PPP2R5E: variants seen among roughly 807,000 people sequenced by gnomAD.
The protein encoded by PPP2R5E is serine/threonine-protein phosphatase 2A 56 kDa regulatory subunit epsilon isoform.
In PPP2R5E, 4 loss-of-function variants were observed where a neutral mutation model predicts 65.3. The observed-to-expected ratio is 0.06, with a 90% CI of 0.03 to 0.14. The LOEUF is 0.14. PPP2R5E is among the 10% of genes least tolerant of loss of function. The probability of loss-of-function intolerance (pLI) is 1.00; values close to 1 mark genes in which losing one functional copy is unlikely to be tolerated. For missense variants in PPP2R5E, 274 were observed against 556.1 expected (o/e 0.49, Z 5.10); for synonymous variants, 183 against 187.4 (o/e 0.98, Z 0.19).
chr14:63,458,949 C>A (rs1413475510), intron 2 of PPP2R5E, among the ~76,000 whole-genome samples: 3 of 152,050 alleles, frequency 2.0e-5, no homozygotes, highest in African/African-American at 7.3e-5. Context: ...ATAATAGGAC[C>A]AGCACACAAT....
chr14:63,452,987 T>C (rs1888927888), intron 3 of PPP2R5E: 1 of 152,164 alleles, frequency 6.6e-6, no homozygotes, highest in South Asian at 2.1e-4. Context: ...ACTCTCCAGC[T>C]CCAAGATCTT....
intron 4 of PPP2R5E, among the ~76,000 whole-genome samples, chr14:63,419,101 C>T (rs1886866204): frequency 6.6e-6 from 1 of 152,168 alleles, no homozygotes; most frequent in African/African-American, 2.4e-5. Flanking sequence ...CCCGCCTTGG[C>T]CTTCCAAAGT....
At chr14:63,458,888 G>A (rs554008182) in intron 2 of PPP2R5E, among the ~76,000 whole-genome samples, 83 of 152,058 alleles carry the variant, frequency 5.5e-4, no homozygotes, top group African/African-American at 2.0e-3. Context: ...AATGTCCTAA[G>A]GTATTACTCA....
At chr14:63,429,811 G>C (rs934462519) in intron 3 of PPP2R5E, among the ~76,000 whole-genome samples, 9 of 151,978 alleles carry the variant, frequency 5.9e-5, no homozygotes, top group Admixed American at 5.2e-4. Context: ...AGCTTTCCTA[G>C]AAGCTGGATT....
At chr14:63,422,159 T>C in intron 3 of PPP2R5E, 65 bp from the exon 4 acceptor site, 2 of 1,342,082 alleles carry the variant, frequency 1.5e-6, no homozygotes, top group Non-Finnish European at 2.1e-6. Context: ...ACAAGGTCCT[T>C]GGAGCCAAGC....
chr14:63,415,241 A>T lies in PPP2R5E; in HGVS notation c.457-9T>A. ...AAAAATTCATATACAAGCTGCAACA[A>T]ACAGATTATAATTAATTTCAAATTA... On this transcript the variant is annotated splice_polypyrimidine_tract_variant and intron_variant, in intron 4 of 13. Coordinates refer to ENST00000337537, the MANE Select transcript of PPP2R5E (RefSeq NM_006246.5). The T allele has an allele frequency of 2.6e-6, 4 of 1,566,228 alleles. No individual in the cohort carries two copies. In the South Asian group the frequency reaches 4.5e-5, roughly 18 times the overall value.
Position 63,454,196 on chromosome 14 carries a change from C to T in PPP2R5E, c.158-311G>A, listed in dbSNP as rs944341622. Among the ~76,000 whole-genome samples, 5 of 152,138 alleles carry T rather than the reference C, an allele frequency of 3.3e-5. No homozygotes were observed. In the East Asian group the frequency reaches 7.7e-4, roughly 23 times the overall value. On this transcript the variant is annotated intron_variant, in intron 2 of 13. Transcript: ENST00000337537. ...AACCAAAAACACCCCAATGTCAATA[C>T]CTTTAAATTAAAAACACTGAAAAAG...
chr14:63,509,969 A>G (rs187908895), intron 2 of PPP2R5E, among the ~76,000 whole-genome samples: 1 of 152,228 alleles, frequency 6.6e-6, no homozygotes, highest in African/African-American at 2.4e-5. Context: ...ATGCCTAAGT[A>G]AAAAGTGTTT....
intron 2 of PPP2R5E, among the ~76,000 whole-genome samples, chr14:63,494,423 C>CA (rs1555365750): frequency 6.6e-6 from 1 of 151,804 alleles, no homozygotes; most frequent in Non-Finnish European, 1.5e-5. Flanking sequence ...TTAGTAGAGA[C>CA]AGAGTCTTAC....
At position 63,496,562 on chromosome 14, in the gene PPP2R5E, G is replaced by C. The variant is rs536189882; in HGVS notation, c.158-42677C>G. On this transcript the variant is annotated intron_variant, in intron 2 of 13. Transcript: ENST00000337537. ...TGAACCATAACCCATCAATAACTAA[G>C]AACATATACAGAGGGAAATAGTTCA... is the stretch of plus-strand genomic sequence containing the variant. 2.4e-4 allele frequency among the ~76,000 whole-genome samples: 37 copies of C among 151,704 alleles called. No homozygotes were observed. In the East Asian group the frequency reaches 7.0e-3, roughly 29 times the overall value.
chr14:63,450,157 T>A (rs10139028), intron 3 of PPP2R5E, among the ~76,000 whole-genome samples: 34,813 of 152,160 alleles, frequency 0.23, 4,290 homozygotes, highest in East Asian at 0.31. Context: ...ATTACAGGCG[T>A]GAGCCACCGC....
intron 6 of PPP2R5E, 81 bp from the exon 7 acceptor site, chr14:63,395,366 A>T: frequency 1.4e-6 from 1 of 703,016 alleles, no homozygotes; most frequent in African/African-American, 2.5e-5. Flanking sequence ...GAGGAGGAGG[A>T]GAAGGGGGAG....
At chr14:63,441,854 G>A (rs1480036781) in intron 3 of PPP2R5E, among the ~76,000 whole-genome samples, 4 of 150,602 alleles carry the variant, frequency 2.7e-5, no homozygotes, top group African/African-American at 7.3e-5. Flanking sequence ...AGCTTGCCGT[G>A]AGCCAAGATC....
chr14:63,394,369 G>C (rs997890634), intron 7 of PPP2R5E, among the ~76,000 whole-genome samples: 1 of 152,096 alleles, frequency 6.6e-6, no homozygotes, highest in African/African-American at 2.4e-5. Context: ...ATAGGCGTGA[G>C]CCACCACACC....
At chr14:63,530,226 G>GTTTTTTTTTTTTTTTTTTTTTTTTTT (rs555112537) in intron 2 of PPP2R5E, among the ~76,000 whole-genome samples, 1 of 99,484 alleles carries the variant, frequency 1.0e-5, no homozygotes, top group African/African-American at 4.1e-5. Flanking sequence ...AAATTTTTCC[G>GTTTTTTTTTTTTTTTTTTTTTTTTTT]TTTTTTTTTT....
At chr14:63,493,710 T>A (rs1891402862) in intron 2 of PPP2R5E, among the ~76,000 whole-genome samples, 1 of 152,048 alleles carries the variant, frequency 6.6e-6, no homozygotes, top group Non-Finnish European at 1.5e-5. Context: ...ACATGAAGGA[T>A]AACAATATAA....
intron 5 of PPP2R5E, among the ~76,000 whole-genome samples, chr14:63,413,968 C>A (rs1377276425): frequency 6.6e-6 from 1 of 152,150 alleles, no homozygotes; most frequent in East Asian, 1.9e-4. Context: ...GCCGCACAGG[C>A]AAGGCACCAA....
intron 2 of PPP2R5E, among the ~76,000 whole-genome samples, chr14:63,498,731 T>C (rs1891707146): frequency 6.6e-6 from 1 of 152,026 alleles, no homozygotes; most frequent in Non-Finnish European, 1.5e-5. Context: ...CCTTAAATAA[T>C]TCTTCATTAG....
intron 5 of PPP2R5E, among the ~76,000 whole-genome samples, chr14:63,405,007 G>A (rs556760647): frequency 3.7e-4 from 57 of 152,320 alleles, no homozygotes; most frequent in Non-Finnish European, 5.9e-4. Context: ...CAAGAGCAGA[G>A]CACTAAACCA....
Sources: allele counts gnomAD v4.1 joint callset (sites outside exome capture counted in the v4.1 genomes callset), GRCh38; gene constraint gnomAD v4.1.1; transcripts MANE v1.5; gene names NCBI Gene and HGNC (gene_info 2026-07-23, HGNC 2026-07-21).